Variants in ZMAT1 observed in about 807,000 individuals in gnomAD.
ZMAT1 encodes zinc finger matrin-type protein 1.
Under a neutral mutation model 18.5 loss-of-function variants are expected in ZMAT1, and 11 were observed. The observed-to-expected ratio is 0.59, with a 90% CI of 0.37 to 0.98. ZMAT1 has a LOEUF of 0.98. Among genes scored for constraint, ZMAT1 ranks in the 50% least tolerant of loss-of-function variants. The probability of loss-of-function intolerance (pLI) is 0.01; values close to 1 mark genes in which losing one functional copy is unlikely to be tolerated. For missense variants in ZMAT1, 525 were observed against 496.2 expected (o/e 1.06, Z -0.55); for synonymous variants, 211 against 176.4 (o/e 1.20, Z -1.55).
At position 101,898,239 on chromosome X, in the gene ZMAT1, T is replaced by G. The variant is rs764071851; in HGVS notation, c.400-19A>C. The G allele has an allele frequency of 4.2e-4, 488 of 1,166,615 alleles. No individual in the cohort carries two copies. The South Asian group carries it at 8.7e-3, about 21-fold the overall frequency. On this transcript the variant is annotated intron_variant, in intron 2 of 5. Transcript: ENST00000651725. ...TTTCACCCTGAAAAAAGATATAATA[T>G]GACTTTGTTTATTCAATAAAAGAGT...
At chrX:101,895,038 C>T in intron 4 of ZMAT1, 1 of 216,088 alleles carries the variant, frequency 4.6e-6, no homozygotes, top group South Asian at 2.2e-4. Context: ...CTTTCTTCTT[C>T]CCACTTCTAT....
intron 4 of ZMAT1, among the ~76,000 whole-genome samples, chrX:101,897,493 A>T (rs1169989148): frequency 4.6e-5 from 5 of 108,742 alleles, no homozygotes; most frequent in Non-Finnish European, 9.6e-5. Flanking sequence ...GTATAATAAT[A>T]AAAAAAAGAC....
intron 1 of ZMAT1, chrX:101,911,726 C>T: frequency 8.3e-7 from 1 of 1,208,002 alleles, no homozygotes; most frequent in South Asian, 1.8e-5. Context: ...TCAGAGGATC[C>T]ACACAGGAGA....
At chrX:101,894,505 A>G (rs1216394064) in intron 4 of ZMAT1, 8 of 729,555 alleles carry the variant, frequency 1.1e-5, no homozygotes, top group Non-Finnish European at 6.5e-6. Context: ...GCTATGAGGC[A>G]TCCAGGTGAA....
chrX:101,895,904 G>A, intron 4 of ZMAT1: 1 of 694,536 alleles, frequency 1.4e-6, no homozygotes, highest in Non-Finnish European at 1.7e-6. Context: ...GTAATAAGAA[G>A]TGATAAACAC....
chrX:101,921,158 T>C (rs1319652753), intron 1 of ZMAT1, among the ~76,000 whole-genome samples: 1 of 111,898 alleles, frequency 8.9e-6, no homozygotes, highest in African/African-American at 3.2e-5. Flanking sequence ...AAACTAGTCA[T>C]TTGGTTCAAC....
intron 1 of ZMAT1, among the ~76,000 whole-genome samples, chrX:101,928,765 T>C (rs1041421013): frequency 9.8e-5 from 11 of 112,205 alleles, no homozygotes; most frequent in Non-Finnish European, 1.7e-4. Flanking sequence ...CACAAACGGA[T>C]TAATAGCTAA....
chrX:101,909,884 C>T (rs1168919427), intron 1 of ZMAT1, among the ~76,000 whole-genome samples: 1 of 112,387 alleles, frequency 8.9e-6, no homozygotes, highest in Non-Finnish European at 1.9e-5. Context: ...GCCTGGCTGG[C>T]TTTGCTACTT....
At chrX:101,908,222 C>T (rs1242359784) in intron 1 of ZMAT1, among the ~76,000 whole-genome samples, 1 of 112,307 alleles carries the variant, frequency 8.9e-6, no homozygotes, top group Non-Finnish European at 1.9e-5. Flanking sequence ...AATTAAAATG[C>T]ATTTCATGAC....
intron 1 of ZMAT1, among the ~76,000 whole-genome samples, chrX:101,923,453 G>C (rs749148115): frequency 9.0e-6 from 1 of 111,655 alleles, no homozygotes; most frequent in Non-Finnish European, 1.9e-5. Flanking sequence ...TACTTACAGA[G>C]GACCCAAACA....
chrX:101,896,141 C>A (rs1927785821), intron 4 of ZMAT1, among the ~76,000 whole-genome samples: 1 of 111,476 alleles, frequency 9.0e-6, no homozygotes, highest in Non-Finnish European at 1.9e-5. Context: ...TGATTATATT[C>A]ATATAAAAAT....
At chrX:101,893,743 T>C (rs966279636) in intron 4 of ZMAT1, among the ~76,000 whole-genome samples, 6 of 111,234 alleles carry the variant, frequency 5.4e-5, no homozygotes, top group Non-Finnish European at 3.8e-5. Flanking sequence ...AGGAAGCACA[T>C]AAGATTAACC....
chrX:101,884,008 A>G lies in ZMAT1; in HGVS notation c.1590T>C (p.His530=). The G allele has an allele frequency of 8.3e-7, 1 of 1,210,472 alleles. No homozygotes were observed. The highest frequency in any genetic ancestry group is 1.1e-6 in the Non-Finnish European group (1 of 895,071). The stretch of plus-strand genomic sequence containing the variant: ...TAGAATCTAGTCTCTGTTTGCTATC[A>G]TGAGCTGGTAAGCAATGAGGTAACT... ...ENQLPHCLPA[H]DSKQRLDSIS... is the part of the protein sequence containing the mutation. Residue 530 remains histidine (H), a synonymous_variant, in exon 6 of 6, where the codon CAT becomes CAC. Transcript: ENST00000651725.
At chrX:101,889,538 A>T (rs1015341798) in intron 4 of ZMAT1, 6 of 112,018 alleles carry the variant, frequency 5.4e-5, no homozygotes, top group Non-Finnish European at 5.6e-5. Context: ...TTGGCTCCAT[A>T]TAAAAATCAC....
chrX:101,929,451 A>ATC (rs1930325126), intron 1 of ZMAT1, among the ~76,000 whole-genome samples: 1 of 87,387 alleles, frequency 1.1e-5, no homozygotes, highest in East Asian at 3.1e-4. Flanking sequence ...ATATATATAT[A>ATC]TATATACACA....
chrX:101,911,923 C>T lies in ZMAT1; in HGVS notation c.293-7593G>A, dbSNP rs1391128631. 6 of 1,205,169 alleles carry T rather than the reference C, an allele frequency of 5.0e-6. No individual in the cohort carries two copies. The African/African-American group carries it at 5.3e-5, about 11-fold the overall frequency. On this transcript the variant is annotated intron_variant, in intron 1 of 5. Coordinates refer to ENST00000651725, the MANE Select transcript of ZMAT1 (RefSeq NM_001394560.1). ...CTGGGGAAAAGTCCCATGGGTGTCA[C>T]GATTGCGGAAAGTCCTTTAGGCAGA...
intron 1 of ZMAT1, among the ~76,000 whole-genome samples, chrX:101,909,557 C>A (rs966865683): frequency 4.0e-4 from 45 of 111,699 alleles, no homozygotes; most frequent in African/African-American, 1.4e-3. Context: ...AAATGTGAGT[C>A]CCAAGCCAGG....
chrX:101,886,784 T>A, intron 4 of ZMAT1, 53 bp from the exon 5 acceptor site: 1 of 865,207 alleles, frequency 1.2e-6, no homozygotes, highest in Non-Finnish European at 1.6e-6. Flanking sequence ...ACATTTAGAA[T>A]CACATAATGT....
intron 5 of ZMAT1, 69 bp from the exon 6 acceptor site, chrX:101,884,890 G>C: frequency 1.5e-6 from 1 of 648,651 alleles, no homozygotes; most frequent in Non-Finnish European, 2.2e-6. Context: ...GTTCTTAAAA[G>C]TATTAGTCTG....
Sources: allele counts gnomAD v4.1 joint callset (sites outside exome capture counted in the v4.1 genomes callset), GRCh38; gene constraint gnomAD v4.1.1; transcripts MANE v1.5; gene names NCBI Gene and HGNC (gene_info 2026-07-23, HGNC 2026-07-21).